The following ANKS1B variants were observed in gnomAD, a reference collection of about 807,000 sequenced individuals.
ANKS1B encodes ankyrin repeat and sterile alpha motif domain containing 1B.
Under a neutral mutation model 148.3 loss-of-function variants are expected in ANKS1B, and 36 were observed. That is an observed-to-expected ratio of 0.24 (90% CI 0.19 to 0.32). ANKS1B has a LOEUF of 0.32. Among genes scored for constraint, ANKS1B ranks in the 10% least tolerant of loss-of-function variants. The probability of loss-of-function intolerance (pLI) is 1.00; values close to 1 mark genes in which losing one functional copy is unlikely to be tolerated. For synonymous variants in ANKS1B, 542 were observed against 560.8 expected (o/e 0.97, Z 0.47); for missense variants, 1,157 against 1,542.6 (o/e 0.75, Z 4.19).
intron 1 of ANKS1B, among the ~76,000 whole-genome samples, chr12:99,909,820 C>G (rs1454865623): frequency 4.6e-5 from 7 of 151,904 alleles, no homozygotes; most frequent in Non-Finnish European, 1.0e-4. Flanking sequence ...TCTTTTTCTT[C>G]CCTCTTCTCT....
intron 13 of ANKS1B, among the ~76,000 whole-genome samples, chr12:99,244,790 A>G (rs2089984444): frequency 6.6e-6 from 1 of 152,192 alleles, no homozygotes; most frequent in East Asian, 1.9e-4. Context: ...GCCTAAGAAC[A>G]TGCATCCCAT....
At chr12:99,534,334 C>A (rs946716505) in intron 9 of ANKS1B, among the ~76,000 whole-genome samples, 1 of 152,220 alleles carries the variant, frequency 6.6e-6, no homozygotes, top group African/African-American at 2.4e-5. Flanking sequence ...CTCAATTATA[C>A]AAATTACAGT....
intron 17 of ANKS1B, among the ~76,000 whole-genome samples, chr12:98,992,873 T>C (rs1185277901): frequency 1.3e-5 from 2 of 152,232 alleles, no homozygotes; most frequent in African/African-American, 2.4e-5. Context: ...CGAGCAAGGA[T>C]CTATGATGCC....
intron 11 of ANKS1B, among the ~76,000 whole-genome samples, chr12:99,407,798 G>T (rs2094567067): frequency 6.9e-6 from 1 of 145,552 alleles, no homozygotes; most frequent in African/African-American, 2.6e-5. Flanking sequence ...AACCAAAGAA[G>T]TAAAAGAGCT....
chr12:99,966,777 T>C (rs1039868476), intron 1 of ANKS1B, among the ~76,000 whole-genome samples: 3 of 152,198 alleles, frequency 2.0e-5, no homozygotes, highest in African/African-American at 7.2e-5. Flanking sequence ...ATAGTAATGA[T>C]AGGCTTACTA....
chr12:99,903,058 C>T (rs1166839746), intron 1 of ANKS1B, among the ~76,000 whole-genome samples: 2 of 151,952 alleles, frequency 1.3e-5, no homozygotes, highest in African/African-American at 4.8e-5. Context: ...CATGCCCAGC[C>T]CTGTGATACA....
intron 15 of ANKS1B, among the ~76,000 whole-genome samples, chr12:99,104,183 G>C (rs1420437277): frequency 6.6e-6 from 1 of 152,182 alleles, no homozygotes; most frequent in Non-Finnish European, 1.5e-5. Flanking sequence ...GGGGGCTTTT[G>C]CAATAGTGTA....
At chr12:99,701,501 A>G (rs2054811943) in intron 8 of ANKS1B, among the ~76,000 whole-genome samples, 1 of 152,162 alleles carries the variant, frequency 6.6e-6, no homozygotes, top group African/African-American at 2.4e-5. Flanking sequence ...CGAGGTATCC[A>G]CCACTTCAAA....
chr12:99,275,420 C>T (rs567712649), intron 12 of ANKS1B, among the ~76,000 whole-genome samples: 4 of 152,288 alleles, frequency 2.6e-5, no homozygotes, highest in Admixed American at 6.5e-5. Context: ...TTTAGCTCTA[C>T]AAATAAGTGA....
At chr12:99,614,872 C>T (rs574546270) in intron 9 of ANKS1B, among the ~76,000 whole-genome samples, 1 of 142,822 alleles carries the variant, frequency 7.0e-6, no homozygotes, top group East Asian at 2.0e-4. Flanking sequence ...TTTCGGTTCT[C>T]TTAATTAATT....
chr12:99,480,452 ATGT>A (rs1318057156), intron 10 of ANKS1B, among the ~76,000 whole-genome samples: 1 of 151,902 alleles, frequency 6.6e-6, no homozygotes, highest in Non-Finnish European at 1.5e-5. Context: ...GGAATACCAC[ATGT>A]TGTGATAGAT....
At chr12:99,551,798 T>G (rs563788983) in intron 9 of ANKS1B, among the ~76,000 whole-genome samples, 1 of 152,276 alleles carries the variant, frequency 6.6e-6, no homozygotes, top group Non-Finnish European at 1.5e-5. Flanking sequence ...ATCCAATATT[T>G]ACTGTCTCCT....
intron 17 of ANKS1B, among the ~76,000 whole-genome samples, chr12:98,893,929 T>C (rs778768654): frequency 6.6e-6 from 1 of 152,200 alleles, no homozygotes; most frequent in Non-Finnish European, 1.5e-5. Context: ...CAGGACCTTG[T>C]TTGGCTTTTG....
intron 12 of ANKS1B, among the ~76,000 whole-genome samples, chr12:99,386,462 G>A (rs1047781633): frequency 6.6e-6 from 1 of 151,880 alleles, no homozygotes; most frequent in Admixed American, 6.6e-5. Context: ...ACAACATCAG[G>A]GTGAAGAAAA....
At position 99,016,334 on chromosome 12, in the gene ANKS1B, A is replaced by G. The variant is rs768370276; in HGVS notation, c.2778+36823T>C. On this transcript the variant is annotated intron_variant, in intron 17 of 26. Transcript: ENST00000683438. ...TACCATGATTGATAGACCTTTTTGT[A>G]AAGTATACTCAGATTTGCTGAAAGA... is the stretch of plus-strand genomic sequence containing the variant. 9.3e-4 allele frequency among the ~76,000 whole-genome samples: 141 copies of G among 152,220 alleles called. 2 individuals carry two copies. Among genetic ancestry groups the G allele is most frequent in the Non-Finnish European group, 4.6e-4 (31 of 68,036 alleles).
intron 1 of ANKS1B, among the ~76,000 whole-genome samples, chr12:99,849,053 T>C (rs1364127979): frequency 2.0e-5 from 3 of 152,052 alleles, no homozygotes; most frequent in Non-Finnish European, 4.4e-5. Flanking sequence ...GGGGAAAGGA[T>C]GAAGTGAGAC....
At chr12:99,575,665 A>G (rs2097510748) in intron 9 of ANKS1B, among the ~76,000 whole-genome samples, 1 of 151,986 alleles carries the variant, frequency 6.6e-6, no homozygotes, top group South Asian at 2.1e-4. Flanking sequence ...CAGTATGGGG[A>G]AAAACACCCC....
chr12:99,550,709 G>T (rs575601505), intron 9 of ANKS1B, among the ~76,000 whole-genome samples: 3 of 151,968 alleles, frequency 2.0e-5, no homozygotes, highest in Admixed American at 6.6e-5. Context: ...GCACACTTAG[G>T]TCTAAGAACC....
intron 11 of ANKS1B, among the ~76,000 whole-genome samples, chr12:99,435,617 C>A (rs1345592674): frequency 2.6e-5 from 4 of 152,014 alleles, no homozygotes; most frequent in African/African-American, 9.7e-5. Flanking sequence ...TCTGACTACA[C>A]CCCTGAGAAG....
Sources: gnomAD v4.1 joint callset for allele counts (sites outside exome capture counted in the v4.1 genomes callset) on GRCh38, gnomAD v4.1.1 for gene constraint, MANE v1.5 for transcripts, NCBI Gene and HGNC (gene_info 2026-07-23, HGNC 2026-07-21) for gene names.